GRB2: variants seen among roughly 807,000 people sequenced by gnomAD.
GRB2 encodes growth factor receptor-bound protein 2.
In GRB2, 2 loss-of-function variants were observed where a neutral mutation model predicts 27.4. That is an observed-to-expected ratio of 0.07 (90% CI 0.03 to 0.23). The LOEUF is 0.23. Ranked by LOEUF, GRB2 falls within the 10% of genes least tolerant of loss-of-function variation. The pLI is 1.00. For missense variants in GRB2, 102 were observed against 282.4 expected (o/e 0.36, Z 4.58); for synonymous variants, 94 against 99.6 (o/e 0.94, Z 0.33).
intron 2 of GRB2, among the ~76,000 whole-genome samples, chr17:75,376,204 G>A (rs953815409): frequency 1.7e-4 from 26 of 151,014 alleles, no homozygotes; most frequent in African/African-American, 4.4e-4. Context: ...TCAGCCAGGC[G>A]TGTCGGCATG....
intron 2 of GRB2, among the ~76,000 whole-genome samples, chr17:75,368,527 T>G (rs558341241): frequency 7.3e-6 from 1 of 136,608 alleles, no homozygotes; most frequent in East Asian, 2.1e-4. Flanking sequence ...CAGGCGTTTG[T>G]TTTTTTTTTT....
intron 2 of GRB2, among the ~76,000 whole-genome samples, chr17:75,366,578 C>T (rs942230009): frequency 1.3e-5 from 2 of 151,212 alleles, no homozygotes; most frequent in Admixed American, 6.6e-5. Context: ...GCGGGCGGAT[C>T]ACTTGAGCCC....
chr17:75,335,053 C>T (rs548206773), intron 2 of GRB2, among the ~76,000 whole-genome samples: 48 of 152,128 alleles, frequency 3.2e-4, no homozygotes, highest in Non-Finnish European at 4.4e-4. Context: ...ATCCTCCTGC[C>T]TCAGCTTACC....
chr17:75,369,621 G>A (rs554510461), intron 2 of GRB2, among the ~76,000 whole-genome samples: 3 of 151,250 alleles, frequency 2.0e-5, no homozygotes, highest in East Asian at 3.9e-4. Flanking sequence ...TTGGGAGGCC[G>A]AGGCGGGCTG....
intron 2 of GRB2, among the ~76,000 whole-genome samples, chr17:75,375,543 C>G (rs1199642027): frequency 6.6e-6 from 1 of 152,162 alleles, no homozygotes; most frequent in Non-Finnish European, 1.5e-5. Context: ...CCCAATAAAT[C>G]TGAAAGTATT....
At chr17:75,342,407 C>A (rs953948558) in intron 2 of GRB2, among the ~76,000 whole-genome samples, 2 of 152,074 alleles carry the variant, frequency 1.3e-5, no homozygotes, top group Non-Finnish European at 2.9e-5. Flanking sequence ...CAAGCTGGGT[C>A]TACAACAATT....
intron 2 of GRB2, among the ~76,000 whole-genome samples, chr17:75,355,709 G>T (rs1157985301): frequency 6.6e-6 from 1 of 151,760 alleles, no homozygotes; most frequent in Non-Finnish European, 1.5e-5. Flanking sequence ...TGTGGCCTGC[G>T]GGCTGTGGGG....
At chr17:75,367,996 C>T (rs921281882) in intron 2 of GRB2, among the ~76,000 whole-genome samples, 1 of 151,942 alleles carries the variant, frequency 6.6e-6, no homozygotes, top group African/African-American at 2.4e-5. Context: ...GATTCTCATG[C>T]CTCAGCCTCC....
At chr17:75,384,970 T>A (rs1266666283) in intron 2 of GRB2, among the ~76,000 whole-genome samples, 1 of 124,494 alleles carries the variant, frequency 8.0e-6, no homozygotes, top group African/African-American at 3.0e-5. Context: ...GGCAGGCGGA[T>A]CGCTTGAGCC....
At chr17:75,321,450 T>C (rs1470733646) in intron 5 of GRB2, among the ~76,000 whole-genome samples, 1 of 152,076 alleles carries the variant, frequency 6.6e-6, no homozygotes, top group Non-Finnish European at 1.5e-5. Context: ...GTGCTGGGAT[T>C]ATAGGTGTGA....
At chr17:75,396,092 C>T (rs774510285) in intron 1 of GRB2, among the ~76,000 whole-genome samples, 2 of 152,090 alleles carry the variant, frequency 1.3e-5, no homozygotes, top group African/African-American at 4.8e-5. Context: ...CCCACTTTGG[C>T]CTCCCCAAGT....
intron 2 of GRB2, among the ~76,000 whole-genome samples, chr17:75,343,870 C>G (rs1026200825): frequency 1.1e-4 from 16 of 152,102 alleles, no homozygotes; most frequent in Admixed American, 1.0e-3. Context: ...GAGACCAACA[C>G]AGAGATCAAG....
chr17:75,378,249 G>C (rs1212452572), intron 2 of GRB2, among the ~76,000 whole-genome samples: 1 of 152,114 alleles, frequency 6.6e-6, no homozygotes, highest in Non-Finnish European at 1.5e-5. Flanking sequence ...AATGAGCTGA[G>C]CGTGGTGGTG....
intron 2 of GRB2, among the ~76,000 whole-genome samples, chr17:75,358,068 T>G (rs961860559): frequency 6.6e-6 from 1 of 152,180 alleles, no homozygotes; most frequent in African/African-American, 2.4e-5. Context: ...CCAACCACCA[T>G]GTCTAGCCTG....
At position 75,401,180 on chromosome 17, in the gene GRB2, TC is replaced by T. The variant is rs1366396088; in HGVS notation, c.-138+4308del. 1.1e-4 allele frequency among the ~76,000 whole-genome samples: 16 copies of T among 151,616 alleles called. No individual in the cohort carries two copies. The East Asian group carries it at 1.5e-3, about 15-fold the overall frequency. ...AAAAGGCTAGGCCGGGCGCAGTGGC[TC>T]ACGCCTGTAATCCCAGCACTTTGGG... On this transcript the variant is annotated intron_variant, in intron 1 of 5. Coordinates refer to ENST00000316804, the MANE Select transcript of GRB2 (RefSeq NM_002086.5).
chr17:75,358,866 G>A (rs530179351), intron 2 of GRB2, among the ~76,000 whole-genome samples: 1 of 117,684 alleles, frequency 8.5e-6, no homozygotes, highest in Non-Finnish European at 1.7e-5. Context: ...CATGGCGACA[G>A]GGCAAGACTC....
intron 2 of GRB2, among the ~76,000 whole-genome samples, chr17:75,348,427 G>T (rs565575178): frequency 6.6e-6 from 1 of 152,290 alleles, no homozygotes; most frequent in South Asian, 2.1e-4. Flanking sequence ...TACTAGACTG[G>T]CATAATGACT....
intron 2 of GRB2, among the ~76,000 whole-genome samples, chr17:75,338,118 T>C (rs1024682255): frequency 5.9e-5 from 9 of 151,846 alleles, no homozygotes. Context: ...TTAGCAGAGA[T>C]GGGGTTTCAC....
chr17:75,326,040 T>TG lies in GRB2; in HGVS notation c.177-21dup. 1.2e-6 allele frequency: 2 copies of TG among 1,613,930 alleles called. No individual in the cohort carries two copies. Among genetic ancestry groups the TG allele is most frequent in the Non-Finnish European group, 1.7e-6 (2 of 1,179,958 alleles). ...AACCACCTAAGGAAGGAAGGCAAGC[T>TG]GGTCAACATCTGCTTCCCCACAAAG... On this transcript the variant is annotated intron_variant, in intron 3 of 5. Coordinates refer to ENST00000316804, the MANE Select transcript of GRB2 (RefSeq NM_002086.5).
Sources: gnomAD v4.1 joint callset for allele counts (sites outside exome capture counted in the v4.1 genomes callset) on GRCh38, gnomAD v4.1.1 for gene constraint, MANE v1.5 for transcripts, NCBI Gene and HGNC (gene_info 2026-07-23, HGNC 2026-07-21) for gene names.